Variants in USP9X observed in about 807,000 individuals in gnomAD.
The protein encoded by USP9X is ubiquitin carboxyl-terminal hydrolase 9X.
In USP9X, 7 loss-of-function variants were observed where a neutral mutation model predicts 190.3. The observed-to-expected ratio is 0.04, with a 90% CI of 0.02 to 0.07. The LOEUF is 0.07. Among genes scored for constraint, USP9X ranks in the 10% least tolerant of loss-of-function variants. USP9X has a pLI of 1.00. For missense variants in USP9X, 1,010 were observed against 1,916.9 expected (o/e 0.53, Z 8.83); for synonymous variants, 645 against 659.5 (o/e 0.98, Z 0.34).
rs753044842 is a variant in USP9X at position 41,188,114 on chromosome X, G to A, written c.3807G>A (p.Glu1269=). The A allele has an allele frequency of 1.7e-6, 2 of 1,205,979 alleles. No individual in the cohort carries two copies. The highest frequency in any genetic ancestry group is 1.8e-5 in the South Asian group (1 of 56,244). The change falls in exon 25 of 45, where the codon GAG becomes GAA. Residue 1269 remains glutamate (E), a synonymous_variant. Coordinates refer to ENST00000378308, the MANE Select transcript of USP9X (RefSeq NM_001039591.3). ...ATGAAGAAATCACTAAAATTTATGA[G>A]AAGGTAAGAATTATCACAGAACTAT... ...SPNEEITKIY[E]KTNAGNEPDL... is the part of the protein sequence containing the mutation.
chrX:41,196,387 A>G (rs1569189290), intron 27 of USP9X, 28 bp downstream of exon 27: 1 of 1,183,210 alleles, frequency 8.5e-7, no homozygotes, highest in East Asian at 3.0e-5. Flanking sequence ...ATGCTTATCA[A>G]TGTGATTCAT....
rs1164133376 is a variant in USP9X, at chrX:41,085,929, T to A, written c.-339T>A. 4 of 294,936 alleles carry A rather than the reference T, an allele frequency of 1.4e-5. No homozygotes were observed. Among genetic ancestry groups the A allele is most frequent in the Non-Finnish European group, 2.4e-5 (4 of 169,767 alleles). The allele number at this position is 294,936 out of a possible 1,213,427, so 24.3% of individuals were successfully genotyped here. On this transcript the variant is annotated 5_prime_UTR_variant, in exon 1 of 45. Coordinates refer to ENST00000378308, the MANE Select transcript of USP9X (RefSeq NM_001039591.3). ...GTTCCGGCGCCGGTGTGCAGCCTTTTGGTTGAGACGCCCGCAGCCCCGAGC... is the reference window on the plus strand; with the variant it reads ...GTTCCGGCGCCGGTGTGCAGCCTTTAGGTTGAGACGCCCGCAGCCCCGAGC...
At chrX:41,138,043 A>T (rs1055861828) in intron 6 of USP9X, among the ~76,000 whole-genome samples, 2 of 111,117 alleles carry the variant, frequency 1.8e-5, no homozygotes, top group African/African-American at 6.5e-5. Flanking sequence ...TATAAAGTGT[A>T]GCGATTGTGA....
intron 32 of USP9X, 100 bp from the exon 33 acceptor site, chrX:41,210,409 G>T: frequency 1.1e-6 from 1 of 894,741 alleles, no homozygotes; most frequent in Non-Finnish European, 1.6e-6. Context: ...ATATACTGTT[G>T]TTTGTGGTCT....
At chrX:41,091,303 T>A (rs1489873095) in intron 1 of USP9X, among the ~76,000 whole-genome samples, 1 of 112,278 alleles carries the variant, frequency 8.9e-6, no homozygotes, top group Non-Finnish European at 1.9e-5. Context: ...ATTCTTGGCA[T>A]ACTGGCTTTA....
At position 41,086,123 on chromosome X, in the gene USP9X, T is replaced by C. The variant is rs1601919824; in HGVS notation, c.-159+14T>C. 2 of 296,332 alleles carry C rather than the reference T, an allele frequency of 6.7e-6. No individual in the cohort carries two copies. Among genetic ancestry groups the C allele is most frequent in the East Asian group, 9.5e-5 (2 of 20,983 alleles). 24.4% of individuals were successfully genotyped at this position (296,332 alleles called of 1,213,427 possible). ...CTGTGTCGTGCGGTGAGTGGCCAGC[T>C]GCACTGGGGCGACGCTCTTTCCCGG... is the stretch of plus-strand genomic sequence containing the variant. On this transcript the variant is annotated intron_variant, in intron 1 of 44. Transcript: ENST00000378308.
rs1258032707 is a variant in USP9X at position 41,196,253 on chromosome X, C to A, written c.3980C>A (p.Thr1327Asn). Residue 1327 changes from threonine to asparagine, a missense_variant and splice_region_variant, in exon 27 of 45, where the codon ACT (threonine) becomes AAT (asparagine). By Grantham distance (65) the Thr-to-Asn change is moderately conservative (BLOSUM62 0). Coordinates refer to ENST00000378308, the MANE Select transcript of USP9X (RefSeq NM_001039591.3). ...ATGTGAAACATTTTTTATTTCAGAA[C>A]TGTTCGTCAGGTGGCACAGGAGCAG... is the stretch of plus-strand genomic sequence containing the variant. ...IDLLLHCHSK[T>N]VRQVAQEQFF... The A allele has an allele frequency of 2.5e-6, 3 of 1,208,810 alleles. No homozygotes were observed. In the African/African-American group the frequency reaches 5.2e-5, roughly 21 times the overall value.
intron 10 of USP9X, among the ~76,000 whole-genome samples, chrX:41,144,017 TTGAG>T: frequency 9.0e-6 from 1 of 111,426 alleles, no homozygotes; most frequent in Non-Finnish European, 1.9e-5. Flanking sequence ...AGCTTTGCCT[TTGAG>T]TGCTTAAGGT....
At chrX:41,127,009 G>A (rs1246741008) in intron 2 of USP9X, among the ~76,000 whole-genome samples, 1 of 111,083 alleles carries the variant, frequency 9.0e-6, no homozygotes, top group Non-Finnish European at 1.9e-5. Context: ...GAACACTCTT[G>A]GATGTGGTTG....
intron 41 of USP9X, 116 bp downstream of exon 41, chrX:41,225,253 C>T (rs958333326): frequency 8.2e-6 from 5 of 610,731 alleles, no homozygotes; most frequent in East Asian, 6.8e-5. Flanking sequence ...AATGTTTTAT[C>T]TTAAACCTAG....
intron 2 of USP9X, among the ~76,000 whole-genome samples, chrX:41,124,810 C>CT (rs2062222439): frequency 8.9e-6 from 1 of 111,946 alleles, no homozygotes; most frequent in African/African-American, 3.2e-5. Context: ...TATATAACCT[C>CT]TAAGCCTCAG....
At chrX:41,105,030 C>A (rs1004258060) in intron 1 of USP9X, among the ~76,000 whole-genome samples, 1 of 111,122 alleles carries the variant, frequency 9.0e-6, no homozygotes, top group Admixed American at 9.6e-5. Context: ...TTTTGAAGAT[C>A]CTAAATTTCT....
rs1356069580 is a variant in USP9X at position 41,179,327 on chromosome X, A to C, written c.3149-4671A>C. On this transcript the variant is annotated intron_variant, in intron 21 of 44. Coordinates refer to ENST00000378308, the MANE Select transcript of USP9X (RefSeq NM_001039591.3). The stretch of plus-strand genomic sequence containing the variant: ...TTGGTATTTTAATAGAGATTGCATC[A>C]ATCTGTAGATTGCTTTGGGTAATAT... 1.3e-4 allele frequency among the ~76,000 whole-genome samples: 15 copies of C among 112,138 alleles called. 1 individual carries two copies. Among genetic ancestry groups the C allele is most frequent in the Admixed American group, 1.3e-3 (14 of 10,627 alleles).
chrX:41,115,260 T>C (rs1193701817), intron 1 of USP9X, among the ~76,000 whole-genome samples: 1 of 105,235 alleles, frequency 9.5e-6, no homozygotes, highest in African/African-American at 3.4e-5. Context: ...AAAAAAGTAG[T>C]GAGGTCTGGC....
intron 1 of USP9X, among the ~76,000 whole-genome samples, chrX:41,093,054 CAG>C (rs1046748868): frequency 1.3e-4 from 14 of 111,414 alleles, no homozygotes; most frequent in African/African-American, 4.2e-4. Context: ...TGTTAGAGAA[CAG>C]GGGTTTGACT....
chrX:41,187,965 C>G, intron 24 of USP9X, 27 bp from the exon 25 acceptor site: 1 of 1,180,162 alleles, frequency 8.5e-7, no homozygotes, highest in Non-Finnish European at 1.1e-6. Context: ...ATTCTATCAA[C>G]AGTTCTATTT....
chrX:41,109,801 G>C (rs2062095894), intron 1 of USP9X, among the ~76,000 whole-genome samples: 1 of 111,369 alleles, frequency 9.0e-6, no homozygotes, highest in South Asian at 3.8e-4. Flanking sequence ...GCTTAATACA[G>C]TTATCTTGAC....
intron 31 of USP9X, 74 bp downstream of exon 31, chrX:41,201,354 T>A: frequency 2.1e-6 from 2 of 972,809 alleles, no homozygotes; most frequent in Non-Finnish European, 2.9e-6. Flanking sequence ...CTTAAGAGAG[T>A]GTTATACTTT....
At position 41,143,416 on chromosome X, in the gene USP9X, G is replaced by A. The variant is rs775088649; in HGVS notation, c.1287G>A (p.Gln429=). 2.5e-6 allele frequency: 3 copies of A among 1,203,654 alleles called. No homozygotes were observed. Among genetic ancestry groups the A allele is most frequent in the Non-Finnish European group, 3.4e-6 (3 of 891,772 alleles). Reference sequence around the variant, plus strand: ...TCAAAGAAAAAGCTCTGACCTTACAGGATCTTGATAATATCTGGGCAGCAC... The same window carrying A: ...TCAAAGAAAAAGCTCTGACCTTACAAGATCTTGATAATATCTGGGCAGCAC... ...FVIKEKALTL[Q]DLDNIWAAQA... The change falls in exon 10 of 45, where the codon CAG becomes CAA. Residue 429 remains glutamine, a synonymous_variant. Transcript: ENST00000378308.
Sources: gnomAD v4.1 joint callset for allele counts (sites outside exome capture counted in the v4.1 genomes callset) on GRCh38, gnomAD v4.1.1 for gene constraint, MANE v1.5 for transcripts, NCBI Gene and HGNC (gene_info 2026-07-23, HGNC 2026-07-21) for gene names.